MDFIC2: variants seen among roughly 807,000 people sequenced by gnomAD.
MDFIC2 encodes myoD family inhibitor domain-containing protein 2.
At chr3:70,286,250 G>A (rs1219728109) in intron 2 of MDFIC2, among the ~76,000 whole-genome samples, 2 of 152,196 alleles carry the variant, frequency 1.3e-5, no homozygotes, top group East Asian at 3.8e-4. Flanking sequence ...GTGTAAGGAA[G>A]GGATCCAGTT....
At chr3:70,257,493 G>A (rs1372323359) in intron 2 of MDFIC2, among the ~76,000 whole-genome samples, 1 of 152,002 alleles carries the variant, frequency 6.6e-6, no homozygotes, top group Non-Finnish European at 1.5e-5. Flanking sequence ...GGGAGGAAGG[G>A]AAAGAAGGGA....
chr3:70,202,930 G>A (rs1359086562), intron 3 of MDFIC2, among the ~76,000 whole-genome samples: 1 of 152,034 alleles, frequency 6.6e-6, no homozygotes, highest in Non-Finnish European at 1.5e-5. Flanking sequence ...TGTGTTTGAG[G>A]GGAGCCTCAT....
At chr3:70,306,574 C>T (rs1702402918) in intron 2 of MDFIC2, among the ~76,000 whole-genome samples, 1 of 152,044 alleles carries the variant, frequency 6.6e-6, no homozygotes, top group African/African-American at 2.4e-5. Context: ...GCCCATTCCC[C>T]ACCCCCTATT....
rs71672662 is a variant in MDFIC2, at chr3:70,237,979, C to CTTTTTTTTTTTTTTTTTTTTTTTTTTTT, written c.89-31190_89-31189insAAAAAAAAAAAAAAAAAAAAAAAAAAAA. Among the ~76,000 whole-genome samples the CTTTTTTTTTTTTTTTTTTTTTTTTTTTT allele has an allele frequency of 8.2e-5, 4 of 48,942 alleles. 2 individuals carry two copies. Among genetic ancestry groups the CTTTTTTTTTTTTTTTTTTTTTTTTTTTT allele is most frequent in the African/African-American group, 4.2e-4 (4 of 9,426 alleles). The allele number at this position is 48,942 out of a possible 152,430, so 32.1% of individuals were successfully genotyped here. On this transcript the variant is annotated intron_variant, in intron 2 of 3. Transcript: ENST00000567252. ...GGAAAAGAAACTAATTGAGTGGTAT[C>CTTTTTTTTTTTTTTTTTTTTTTTTTTTT]TTTTTTTTTTTTTTTTTTTTTTTTT...
In MDFIC2 at chr3:70,288,420, G is replaced by C. The variant is rs1267319405; in HGVS notation, c.88+23466C>G. On this transcript the variant is annotated intron_variant, in intron 2 of 3. Transcript: ENST00000567252. ...CTAGTTTGATTGCACTGTGGTCTGA[G>C]AGATAGTTTGTTATAATTTCTGTTC... 2.7e-5 allele frequency among the ~76,000 whole-genome samples: 4 copies of C among 149,706 alleles called. No individual in the cohort carries two copies. In the East Asian group the frequency reaches 7.8e-4, roughly 29 times the overall value.
intron 2 of MDFIC2, among the ~76,000 whole-genome samples, chr3:70,297,132 TTAAAAAAATATTTTTA>T (rs1431079391): frequency 6.6e-6 from 1 of 152,154 alleles, no homozygotes; most frequent in Non-Finnish European, 1.5e-5. Flanking sequence ...CCTTGCTTAC[TTAAAAAAATATTTTTA>T]TGCACAGTAC....
intron 2 of MDFIC2, among the ~76,000 whole-genome samples, chr3:70,286,398 G>C (rs1217966822): frequency 2.0e-5 from 3 of 151,854 alleles, no homozygotes; most frequent in African/African-American, 2.4e-5. Context: ...TGAGGGCTCT[G>C]TTCTGTTCCA....
chr3:70,288,958 C>A (rs1294728772), intron 2 of MDFIC2, among the ~76,000 whole-genome samples: 1 of 152,036 alleles, frequency 6.6e-6, no homozygotes, highest in Non-Finnish European at 1.5e-5. Flanking sequence ...TGTGTCTCTG[C>A]ACGTGAGATG....
intron 2 of MDFIC2, among the ~76,000 whole-genome samples, chr3:70,307,504 T>C (rs1379139110): frequency 7.3e-5 from 11 of 151,504 alleles, no homozygotes; most frequent in African/African-American, 1.2e-4. Context: ...ACCTGTAATT[T>C]CCCCCCCCAA....
intron 2 of MDFIC2, among the ~76,000 whole-genome samples, chr3:70,213,515 T>C (rs1432302193): frequency 6.6e-6 from 1 of 152,156 alleles, no homozygotes; most frequent in Non-Finnish European, 1.5e-5. Flanking sequence ...AATTTAGTAC[T>C]GTAGTTATCC....
At chr3:70,214,057 T>C (rs540314273) in intron 2 of MDFIC2, among the ~76,000 whole-genome samples, 3 of 152,226 alleles carry the variant, frequency 2.0e-5, no homozygotes, top group South Asian at 2.1e-4. Flanking sequence ...AGTTGAGGGA[T>C]GAAGGCTTCT....
intron 2 of MDFIC2, among the ~76,000 whole-genome samples, chr3:70,248,063 T>C (rs1701725324): frequency 6.6e-6 from 1 of 152,128 alleles, no homozygotes; most frequent in South Asian, 2.1e-4. Flanking sequence ...GTAAAGGAGA[T>C]AGGCTAACAT....
chr3:70,199,231 G>C (rs1701210908), intron 3 of MDFIC2, among the ~76,000 whole-genome samples: 1 of 152,202 alleles, frequency 6.6e-6, no homozygotes, highest in Non-Finnish European at 1.5e-5. Context: ...TTTCCTATCA[G>C]AGTGTGAAGG....
intron 2 of MDFIC2, among the ~76,000 whole-genome samples, chr3:70,284,788 T>C (rs1702125728): frequency 6.6e-6 from 1 of 152,058 alleles, no homozygotes; most frequent in African/African-American, 2.4e-5. Context: ...GGAAAATAAC[T>C]AATGGGTACT....
intron 2 of MDFIC2, among the ~76,000 whole-genome samples, chr3:70,240,404 T>TG (rs1701656002): frequency 6.6e-6 from 1 of 152,100 alleles, no homozygotes; most frequent in Non-Finnish European, 1.5e-5. Context: ...TTTGTCTTTG[T>TG]TTAGACATTG....
intron 2 of MDFIC2, among the ~76,000 whole-genome samples, chr3:70,306,564 G>A (rs1165343906): frequency 6.6e-6 from 1 of 151,990 alleles, no homozygotes; most frequent in Non-Finnish European, 1.5e-5. Context: ...CTTGTTTATT[G>A]CCCATTCCCC....
rs115371021 is a variant in MDFIC2 at position 70,217,811 on chromosome 3, C to T, written c.89-11021G>A. On this transcript the variant is annotated intron_variant, in intron 2 of 3. Transcript: ENST00000567252. The stretch of plus-strand genomic sequence containing the variant: ...TTGAACCTGGTTTATTTAGCTAGTT[C>T]TGTCTCTGAGTTATGAGGGCTTGGG... Among the ~76,000 whole-genome samples, 492 of 152,226 alleles carry T rather than the reference C, an allele frequency of 3.2e-3. 3 individuals carry two copies. Among genetic ancestry groups the T allele is most frequent in the African/African-American group, 0.011 (469 of 41,564 alleles).
intron 2 of MDFIC2, among the ~76,000 whole-genome samples, chr3:70,256,046 T>G (rs777581483): frequency 3.0e-4 from 46 of 152,328 alleles, no homozygotes; most frequent in Non-Finnish European, 5.4e-4. Flanking sequence ...CCAAATTATT[T>G]TTTTGATACA....
chr3:70,309,226 A>G (rs990248740), intron 2 of MDFIC2, among the ~76,000 whole-genome samples: 7 of 152,186 alleles, frequency 4.6e-5, no homozygotes, highest in Admixed American at 1.3e-4. Flanking sequence ...AGAGCCCTGC[A>G]AATTTGAGCA....
Sources: gnomAD v4.1 joint callset for allele counts (sites outside exome capture counted in the v4.1 genomes callset) on GRCh38, gnomAD v4.1.1 for gene constraint, MANE v1.5 for transcripts, NCBI Gene and HGNC (gene_info 2026-07-23, HGNC 2026-07-21) for gene names.